ITPR2: variants seen among roughly 807,000 people sequenced by gnomAD.
ITPR2 encodes the protein inositol 1,4,5-trisphosphate receptor type 2, also known as inositol 1,4,5-trisphosphate-gated calcium channel ITPR2.
In ITPR2, 207 loss-of-function variants were observed where a neutral mutation model predicts 317.1. The observed-to-expected ratio is 0.65, with a 90% CI of 0.58 to 0.73. The LOEUF is 0.73. Ranked by LOEUF, ITPR2 falls within the 30% of genes least tolerant of loss-of-function variation. The pLI is 0.00. For missense variants in ITPR2, 2,613 were observed against 3,284.0 expected (o/e 0.80, Z 4.99); for synonymous variants, 1,156 against 1,149.1 (o/e 1.01, Z -0.12).
chr12:26,483,691 TG>T lies in ITPR2; in HGVS notation c.6012+6del. 6.2e-7 allele frequency: 1 copy of T among 1,608,876 alleles called. No individual in the cohort carries two copies. Among genetic ancestry groups the T allele is most frequent in the Non-Finnish European group, 8.5e-7 (1 of 1,175,180 alleles). On this transcript the variant is annotated splice_donor_region_variant and intron_variant, in intron 42 of 56. Transcript: ENST00000381340. ...TTTACTAATTAGTCATGGATACTTC[TG>T]GTTACCTGATTTTCATGGCAAGGGC... is the stretch of plus-strand genomic sequence containing the variant.
At chr12:26,706,827 A>T (rs1317764033) in intron 9 of ITPR2, among the ~76,000 whole-genome samples, 1 of 152,130 alleles carries the variant, frequency 6.6e-6, no homozygotes, top group African/African-American at 2.4e-5. Flanking sequence ...ATCTTAAAGC[A>T]AGGAGACCTG....
chr12:26,342,499 G>A (rs1466082270), intron 55 of ITPR2, among the ~76,000 whole-genome samples: 10 of 13,362 alleles, frequency 7.5e-4, no homozygotes, highest in African/African-American at 1.7e-3. Flanking sequence ...CACGGCGGTG[G>A]GGGGGGGGGG....
intron 36 of ITPR2, among the ~76,000 whole-genome samples, chr12:26,552,109 T>C (rs538543859): frequency 2.0e-5 from 3 of 152,142 alleles, no homozygotes; most frequent in Non-Finnish European, 2.9e-5. Flanking sequence ...AATGATGACA[T>C]GTGGGAAGTG....
At position 26,389,114 on chromosome 12, in the gene ITPR2, C is replaced by A. The variant is rs531042608; in HGVS notation, c.7697-1520G>T. ...TTGTCATCCCTCATGTGGATTACTG[C>A]AATAGACTCCCAGGCCCCCCTGTTT... On this transcript the variant is annotated intron_variant, in intron 54 of 56. Transcript: ENST00000381340. Among the ~76,000 whole-genome samples the A allele has an allele frequency of 1.1e-4, 16 of 152,300 alleles. No individual in the cohort carries two copies. The South Asian group carries it at 3.3e-3, about 32-fold the overall frequency.
intron 37 of ITPR2, among the ~76,000 whole-genome samples, chr12:26,508,774 A>G (rs1183248642): frequency 6.6e-6 from 1 of 152,208 alleles, no homozygotes; most frequent in African/African-American, 2.4e-5. Flanking sequence ...GTTGGTGAGG[A>G]TGTGGAGAAA....
chr12:26,569,746 A>C (rs993279060), intron 34 of ITPR2, among the ~76,000 whole-genome samples: 8 of 152,178 alleles, frequency 5.3e-5, no homozygotes, highest in Admixed American at 3.3e-4. Context: ...CTCACTCATA[A>C]AAAAGAGAAA....
At chr12:26,752,560 G>C (rs1218562580) in intron 2 of ITPR2, among the ~76,000 whole-genome samples, 1 of 152,184 alleles carries the variant, frequency 6.6e-6, no homozygotes, top group Non-Finnish European at 1.5e-5. Context: ...GGTCTAAAAA[G>C]GGGAGGCATG....
At position 26,436,995 on chromosome 12, in the gene ITPR2, C is replaced by A. The variant is rs533793452; in HGVS notation, c.6644-649G>T. On this transcript the variant is annotated intron_variant, in intron 47 of 56. Transcript: ENST00000381340. ...ATAAAAACTGTTAATAAGTGGAACA[C>A]GCTTTGCTGCATATATTCAACAAAG... is the stretch of plus-strand genomic sequence containing the variant. Among the ~76,000 whole-genome samples the A allele has an allele frequency of 1.1e-4, 17 of 152,276 alleles. No individual in the cohort carries two copies. The South Asian group carries it at 3.5e-3, about 32-fold the overall frequency.
intron 2 of ITPR2, among the ~76,000 whole-genome samples, chr12:26,782,037 TAGAGAGAGAGAGAGAG>T (rs1177233376): frequency 5.8e-5 from 3 of 51,738 alleles, no homozygotes; most frequent in African/African-American, 1.1e-4. Flanking sequence ...TATATATGTA[TAGAGAGAGAGAGAGAG>T]AGAGAGAGAG....
At chr12:26,461,971 T>C (rs1294260331) in intron 45 of ITPR2, among the ~76,000 whole-genome samples, 1 of 149,968 alleles carries the variant, frequency 6.7e-6, no homozygotes, top group Admixed American at 6.6e-5. Context: ...TTTTTTTAGA[T>C]CAACTATTTT....
chr12:26,593,939 T>C (rs1347242513), intron 32 of ITPR2, among the ~76,000 whole-genome samples: 2 of 152,240 alleles, frequency 1.3e-5, no homozygotes, highest in Non-Finnish European at 2.9e-5. Context: ...CAAGCTTATC[T>C]TTAGTCAGTA....
rs76322972 is a variant in ITPR2 at position 26,745,140 on chromosome 12, C to T, written c.164-19375G>A. Among the ~76,000 whole-genome samples the T allele has an allele frequency of 4.3e-3, 653 of 152,268 alleles. 6 individuals carry two copies. The highest frequency in any genetic ancestry group is 0.015 in the African/African-American group (615 of 41,548). ...GGGCTTTGATGTTATCCAGGAATGA[C>T]GAACAACAGACCTCCTGTGCTCCTT... On this transcript the variant is annotated intron_variant, in intron 2 of 56. Coordinates refer to ENST00000381340, the MANE Select transcript of ITPR2 (RefSeq NM_002223.4).
chr12:26,712,337 T>G, intron 8 of ITPR2, among the ~76,000 whole-genome samples: 1 of 152,182 alleles, frequency 6.6e-6, no homozygotes, highest in Admixed American at 6.5e-5. Context: ...TTCTGTGTGT[T>G]AACATACTTC....
chr12:26,782,059 G>A (rs1219294834), intron 2 of ITPR2, among the ~76,000 whole-genome samples: 1 of 141,242 alleles, frequency 7.1e-6, no homozygotes, highest in Non-Finnish European at 1.5e-5. Context: ...GAGAGAGAGA[G>A]AGAGAGAGAG....
intron 46 of ITPR2, among the ~76,000 whole-genome samples, chr12:26,440,159 G>A (rs1306104872): frequency 6.6e-6 from 1 of 152,118 alleles, no homozygotes; most frequent in Non-Finnish European, 1.5e-5. Flanking sequence ...TATCCTGAAA[G>A]GGCTTCCAGG....
intron 37 of ITPR2, among the ~76,000 whole-genome samples, chr12:26,520,207 T>C (rs1943627991): frequency 6.6e-6 from 1 of 152,194 alleles, no homozygotes; most frequent in East Asian, 1.9e-4. Flanking sequence ...AAACTCCCCC[T>C]TGTGATTTGG....
rs186392752 is a variant in ITPR2 at position 26,428,933 on chromosome 12, T to C, written c.6770-845A>G. Among the ~76,000 whole-genome samples, 1,157 of 152,306 alleles carry C rather than the reference T, an allele frequency of 7.6e-3. 19 individuals are homozygous for C. Among genetic ancestry groups the C allele is most frequent in the African/African-American group, 0.027 (1,105 of 41,558 alleles). On this transcript the variant is annotated intron_variant, in intron 48 of 56. Coordinates refer to ENST00000381340, the MANE Select transcript of ITPR2 (RefSeq NM_002223.4). ...CTCTGGGGCCTCAAATGCATGTCTATAGGCTGACATAGAAAGGAAACAACA... is the reference window on the plus strand; with the variant it reads ...CTCTGGGGCCTCAAATGCATGTCTACAGGCTGACATAGAAAGGAAACAACA...
At position 26,725,670 on chromosome 12, in the gene ITPR2, C is replaced by T. The variant is rs1948907356; in HGVS notation, c.259G>A (p.Ala87Thr). The part of the protein sequence containing the change: ...QAKQGNHTEA[A>T]LLKKLQHAAE... ...CTTACCTGTAGTTTCTTCAGCAAGG[C>T]TGCCTCGGTGTGGTTCCCTTGTTTG... The change falls in exon 3 of 57, where the codon GCC (alanine) becomes ACC (threonine). Residue 87 changes from alanine (A) to threonine (T), a missense_variant. Physicochemically the swap from Ala to Thr is moderately conservative, Grantham distance 58. Coordinates refer to ENST00000381340, the MANE Select transcript of ITPR2 (RefSeq NM_002223.4). 2 of 1,612,792 alleles carry T rather than the reference C, an allele frequency of 1.2e-6. No individual in the cohort carries two copies. Among genetic ancestry groups the T allele is most frequent in the Non-Finnish European group, 8.5e-7 (1 of 1,179,162 alleles).
At chr12:26,359,096 A>AGGGCAGG (rs1321387271) in intron 55 of ITPR2, among the ~76,000 whole-genome samples, 1 of 152,230 alleles carries the variant, frequency 6.6e-6, no homozygotes, top group East Asian at 1.9e-4. Flanking sequence ...AAGTTCTAGG[A>AGGGCAGG]GGGCAGGGCT....
Sources: allele counts gnomAD v4.1 joint callset (sites outside exome capture counted in the v4.1 genomes callset), GRCh38; gene constraint gnomAD v4.1.1; transcripts MANE v1.5; gene names NCBI Gene and HGNC (gene_info 2026-07-23, HGNC 2026-07-21).